The following TBC1D8 variants were observed in gnomAD, a reference collection of about 807,000 sequenced individuals.
TBC1D8 encodes BUB2-like protein 1.
In TBC1D8, 65 loss-of-function variants were observed where a neutral mutation model predicts 118.8. That is an observed-to-expected ratio of 0.55 (90% CI 0.45 to 0.67). TBC1D8 has a LOEUF of 0.67. Among genes scored for constraint, TBC1D8 ranks in the 30% least tolerant of loss-of-function variants. The pLI, the probability that TBC1D8 is intolerant of heterozygous loss-of-function variation, is 0.00. For missense variants in TBC1D8, 1,376 were observed against 1,471.2 expected (o/e 0.94, Z 1.06); for synonymous variants, 566 against 595.8 (o/e 0.95, Z 0.73).
At chr2:101,084,123 T>C (rs776930647) in intron 2 of TBC1D8, among the ~76,000 whole-genome samples, 1 of 152,132 alleles carries the variant, frequency 6.6e-6, no homozygotes, top group African/African-American at 2.4e-5. Flanking sequence ...AGGAAGCTGA[T>C]CTCGGCTCAA....
chr2:101,103,718 T>C (rs1677024733), intron 1 of TBC1D8, among the ~76,000 whole-genome samples: 1 of 151,974 alleles, frequency 6.6e-6, no homozygotes, highest in African/African-American at 2.4e-5. Flanking sequence ...ATAAAGAACA[T>C]CTCCAGAAAA....
chr2:101,033,238 T>G (rs1379458760), intron 10 of TBC1D8: 1 of 396,978 alleles, frequency 2.5e-6, no homozygotes, highest in Non-Finnish European at 4.8e-6. Context: ...TGCCTCAGCC[T>G]CCTGAGTAGC....
chr2:101,137,030 T>C (rs1678883328), intron 1 of TBC1D8, among the ~76,000 whole-genome samples: 1 of 113,546 alleles, frequency 8.8e-6, no homozygotes, highest in African/African-American at 3.1e-5. Flanking sequence ...CTAGGCTAAT[T>C]CTTTTTTTTT....
intron 11 of TBC1D8, chr2:101,030,031 T>A (rs1388849423): frequency 2.5e-6 from 1 of 396,022 alleles, no homozygotes; most frequent in Admixed American, 4.0e-5. Context: ...CACTAGCCCC[T>A]ACCTCACACC....
chr2:101,076,185 TGAA>T (rs1674803177), intron 2 of TBC1D8, among the ~76,000 whole-genome samples: 1 of 152,176 alleles, frequency 6.6e-6, no homozygotes, highest in South Asian at 2.1e-4. Flanking sequence ...TAGCACTAGT[TGAA>T]GAGACAAAGT....
At chr2:101,115,837 G>C (rs904098405) in intron 1 of TBC1D8, among the ~76,000 whole-genome samples, 1 of 151,966 alleles carries the variant, frequency 6.6e-6, no homozygotes, top group African/African-American at 2.4e-5. Context: ...TGATGGAACC[G>C]GACCATCACC....
At chr2:101,141,180 T>C (rs1679083685) in intron 1 of TBC1D8, among the ~76,000 whole-genome samples, 3 of 152,146 alleles carry the variant, frequency 2.0e-5, no homozygotes, top group Admixed American at 2.0e-4. Context: ...TGCAATAATT[T>C]CAGTTAGATC....
intron 1 of TBC1D8, among the ~76,000 whole-genome samples, chr2:101,140,760 C>T (rs1679065801): frequency 7.6e-6 from 1 of 131,276 alleles, no homozygotes; most frequent in Non-Finnish European, 1.6e-5. Flanking sequence ...TATATTACTA[C>T]TTTTTTTTTT....
At chr2:101,056,011 C>T (rs967420875) in intron 3 of TBC1D8, among the ~76,000 whole-genome samples, 2 of 150,416 alleles carry the variant, frequency 1.3e-5, no homozygotes, top group Admixed American at 1.3e-4. Flanking sequence ...TATATAAATA[C>T]TTCTATCATT....
chr2:101,068,678 AG>A, intron 2 of TBC1D8: 1 of 422,234 alleles, frequency 2.4e-6, no homozygotes, highest in Admixed American at 3.9e-5. Context: ...TTAGCACTTT[AG>A]GGAACAATCT....
At chr2:101,138,402 G>A (rs566605719) in intron 1 of TBC1D8, among the ~76,000 whole-genome samples, 2 of 152,232 alleles carry the variant, frequency 1.3e-5, no homozygotes, top group African/African-American at 4.8e-5. Context: ...ATGCCACCTG[G>A]GTGTTCTACA....
chr2:101,023,312 C>T (rs1441988501), intron 15 of TBC1D8, among the ~76,000 whole-genome samples: 1 of 151,764 alleles, frequency 6.6e-6, no homozygotes, highest in Non-Finnish European at 1.5e-5. Flanking sequence ...ACCCAGCTAA[C>T]TTTTTGTATT....
chr2:101,102,945 T>C (rs1169024171), intron 1 of TBC1D8, among the ~76,000 whole-genome samples: 1 of 152,038 alleles, frequency 6.6e-6, no homozygotes, highest in East Asian at 1.9e-4. Context: ...AAAGAAATGA[T>C]AACAAGTTTC....
chr2:101,136,365 C>T (rs1043514640), intron 1 of TBC1D8, among the ~76,000 whole-genome samples: 1 of 152,212 alleles, frequency 6.6e-6, no homozygotes, highest in East Asian at 1.9e-4. Flanking sequence ...GGCTCCCCTT[C>T]ACCTTCCATC....
intron 19 of TBC1D8, among the ~76,000 whole-genome samples, chr2:101,010,286 C>T (rs115749792): frequency 0.013 from 1,938 of 152,180 alleles, 19 homozygotes; most frequent in Non-Finnish European, 0.021. Flanking sequence ...CAGTGATTTC[C>T]CAGGAAATGG....
chr2:101,054,641 TCTCAAACAAACAATCA>T lies in TBC1D8; in HGVS notation c.403-321_403-306del, dbSNP rs1407737894. ...AAATCATTTGACTTCTAAGCCCGGT[TCTCAAACAAACAATCA>T]TTTTCTTTTCTTTTCTTTTTTTTTT... On this transcript the variant is annotated intron_variant, in intron 3 of 19. Transcript: ENST00000409318. Among the ~76,000 whole-genome samples the T allele has an allele frequency of 2.8e-4, 21 of 74,020 alleles. 2 individuals are homozygous for T. Among genetic ancestry groups the T allele is most frequent in the African/African-American group, 4.4e-4 (9 of 20,430 alleles). The allele number at this position is 74,020 out of a possible 152,430, so 48.6% of individuals were successfully genotyped here.
At chr2:101,015,668 A>C (rs1351281353) in intron 17 of TBC1D8, among the ~76,000 whole-genome samples, 2 of 152,232 alleles carry the variant, frequency 1.3e-5, no homozygotes, top group Non-Finnish European at 2.9e-5. Context: ...CGTGACTTCA[A>C]ACTATACTAC....
chr2:101,069,695 A>T (rs184581522), intron 2 of TBC1D8, among the ~76,000 whole-genome samples: 36 of 152,312 alleles, frequency 2.4e-4, no homozygotes, highest in African/African-American at 8.7e-4. Context: ...TAATATAAAA[A>T]TGCCCAAGAT....
In TBC1D8 at chr2:101,147,021, G is replaced by A. The variant is rs563265313; in HGVS notation, c.127+4106C>T. Among the ~76,000 whole-genome samples, 138 of 151,996 alleles carry A rather than the reference G, an allele frequency of 9.1e-4. No individual in the cohort carries two copies. In the Middle Eastern group the frequency reaches 0.02, roughly 22 times the overall value. ...GTCCTCTTCCAGGTTCATCCATGTT[G>A]TTGCAAATGCGCCAGGCACGGTGGC... On this transcript the variant is annotated intron_variant, in intron 1 of 19. Coordinates refer to ENST00000409318, the MANE Select transcript of TBC1D8 (RefSeq NM_001330348.2).
Sources: gnomAD v4.1 joint callset for allele counts (sites outside exome capture counted in the v4.1 genomes callset) on GRCh38, gnomAD v4.1.1 for gene constraint, MANE v1.5 for transcripts, NCBI Gene and HGNC (gene_info 2026-07-23, HGNC 2026-07-21) for gene names.